WDFY2: variants seen among roughly 807,000 people sequenced by gnomAD.
The protein encoded by WDFY2 is WD repeat and FYVE domain-containing protein 2.
Under a neutral mutation model 56.4 loss-of-function variants are expected in WDFY2, and 36 were observed. That is an observed-to-expected ratio of 0.64 (90% CI 0.49 to 0.84). The LOEUF (loss-of-function observed/expected upper bound fraction) is 0.84, where lower values mean the gene tolerates loss of function less well. Among genes scored for constraint, WDFY2 ranks in the 40% least tolerant of loss-of-function variants. WDFY2 has a pLI of 0.00. For missense variants in WDFY2, 444 were observed against 512.2 expected, an observed-to-expected ratio of 0.87 and a Z score of 1.29; for synonymous variants, 176 against 183.7, an observed-to-expected ratio of 0.96 and a Z score of 0.34.
intron 1 of WDFY2, among the ~76,000 whole-genome samples, chr13:51,635,492 T>C (rs1048217721): frequency 9.2e-5 from 14 of 152,236 alleles, no homozygotes; most frequent in Non-Finnish European, 1.6e-4. Flanking sequence ...TCTTCTGTTT[T>C]CTAAATAGTG....
intron 5 of WDFY2, among the ~76,000 whole-genome samples, chr13:51,722,624 TTC>T (rs1180628843): frequency 6.6e-6 from 1 of 152,234 alleles, no homozygotes; most frequent in Non-Finnish European, 1.5e-5. Flanking sequence ...AAAGACCTAA[TTC>T]TCTGTTTTCA....
intron 1 of WDFY2, among the ~76,000 whole-genome samples, chr13:51,622,607 G>A (rs996435082): frequency 6.6e-6 from 1 of 152,196 alleles, no homozygotes; most frequent in Admixed American, 6.5e-5. Context: ...GAACCAGGAG[G>A]CAGTTTAGGA....
rs2138743033 is a variant in WDFY2, at chr13:51,756,429, G to C, written c.1031G>C (p.Cys344Ser). The part of the protein sequence containing the change: ...LMGFEFEVRV[C>S]DSCHEAITDE... ...GGCTTCGAGTTTGAAGTGAGGGTCT[G>C]TGACAGCTGCCACGAGGCCATCACA... Residue 344 changes from cysteine (C) to serine (S), a missense_variant, in exon 10 of 12, where the codon TGT becomes TCT. Transcript: ENST00000298125. 1 of 1,614,128 alleles carries C rather than the reference G, an allele frequency of 6.2e-7. No individual in the cohort carries two copies. The highest frequency in any genetic ancestry group is 2.2e-5 in the East Asian group (1 of 44,874).
rs189786831 is a variant in WDFY2, at chr13:51,718,735, A to C, written c.335-463A>C. Among the ~76,000 whole-genome samples the C allele has an allele frequency of 6.2e-4, 94 of 152,350 alleles. 1 individual carries two copies. In the South Asian group the frequency reaches 0.013, roughly 21 times the overall value. ...TGTATGGCTTTATAAGACAGACTTC[A>C]TTAAAAGATTAACAGTATGCTCCAG... On this transcript the variant is annotated intron_variant, in intron 4 of 11. Transcript: ENST00000298125.
intron 5 of WDFY2, among the ~76,000 whole-genome samples, chr13:51,722,708 G>C (rs542898498): frequency 6.6e-6 from 1 of 152,324 alleles, no homozygotes; most frequent in East Asian, 1.9e-4. Context: ...GGCAGAACCA[G>C]CATTAGAATT....
Position 51,727,715 on chromosome 13 carries a change from C to T in WDFY2, c.523C>T (p.His175Tyr), listed in dbSNP as rs776144617. The change falls in exon 6 of 12, where the codon CAC (histidine) becomes TAC (tyrosine). Residue 175 changes from histidine to tyrosine, a missense_variant. Coordinates refer to ENST00000298125, the MANE Select transcript of WDFY2 (RefSeq NM_052950.4). ...AACCCGGCATGTGTTTATCGGTGAC[C>T]ACTCAGGCCAAGTAACAATCCTCAA... ...VETRHVFIGDHSGQVTILKLE... is the reference protein window; with the variant it reads ...VETRHVFIGDYSGQVTILKLE... 1 of 1,614,010 alleles carries T rather than the reference C, an allele frequency of 6.2e-7. No homozygotes were observed. The highest frequency in any genetic ancestry group is 2.2e-5 in the East Asian group (1 of 44,878).
chr13:51,728,987 C>T lies in WDFY2; in HGVS notation c.598+1197C>T, dbSNP rs1256231652. On this transcript the variant is annotated intron_variant, in intron 6 of 11. Transcript: ENST00000298125. Reference sequence around the variant, plus strand: ...CTTTCTTCATTCCACTTACTGTTTCCCCTTGTGGCGCATTCTAGCCCGCGG... The same window carrying T: ...CTTTCTTCATTCCACTTACTGTTTCTCCTTGTGGCGCATTCTAGCCCGCGG... Among the ~76,000 whole-genome samples the T allele has an allele frequency of 1.3e-5, 2 of 152,288 alleles. 1 individual carries two copies. Among genetic ancestry groups the T allele is most frequent in the South Asian group, 4.1e-4 (2 of 4,820 alleles).
chr13:51,759,786 CAGAA>C lies in WDFY2; in HGVS notation c.*21_*24del. ...GTGTCTTGATGACTCTCCCAGGAATCAGAAAGATAGTATTTACTAAAGAAACGGT... is the reference window on the plus strand; with the variant it reads ...GTGTCTTGATGACTCTCCCAGGAATCAGATAGTATTTACTAAAGAAACGGT... On this transcript the variant is annotated 3_prime_UTR_variant, in exon 12 of 12. Coordinates refer to ENST00000298125, the MANE Select transcript of WDFY2 (RefSeq NM_052950.4). 1 of 1,613,122 alleles carries C rather than the reference CAGAA, an allele frequency of 6.2e-7. No homozygotes were observed. Among genetic ancestry groups the C allele is most frequent in the Non-Finnish European group, 8.5e-7 (1 of 1,179,336 alleles).
intron 5 of WDFY2, among the ~76,000 whole-genome samples, chr13:51,727,093 C>G (rs1033256529): frequency 4.6e-5 from 7 of 152,118 alleles, no homozygotes; most frequent in African/African-American, 1.7e-4. Context: ...ATTCTATTTT[C>G]TTTTTCCAAA....
At chr13:51,736,512 A>C (rs1952839938) in intron 6 of WDFY2, among the ~76,000 whole-genome samples, 1 of 152,170 alleles carries the variant, frequency 6.6e-6, no homozygotes, top group Non-Finnish European at 1.5e-5. Context: ...TTTTGTTTGG[A>C]GACGGAGTCT....
intron 4 of WDFY2, among the ~76,000 whole-genome samples, chr13:51,711,040 A>G (rs1202350886): frequency 6.6e-6 from 1 of 152,198 alleles, no homozygotes; most frequent in Admixed American, 6.5e-5. Flanking sequence ...TTCAAACTAT[A>G]CTACAAGGCT....
intron 4 of WDFY2, among the ~76,000 whole-genome samples, chr13:51,707,764 A>G (rs577173287): frequency 1.3e-5 from 2 of 152,192 alleles, no homozygotes; most frequent in Non-Finnish European, 2.9e-5. Flanking sequence ...AGTAAAGACA[A>G]AGTAGCAAGG....
chr13:51,599,896 CAAAA>C (rs755365759), intron 1 of WDFY2, among the ~76,000 whole-genome samples: 3 of 139,724 alleles, frequency 2.1e-5, no homozygotes, highest in South Asian at 2.3e-4. Context: ...AACAAACAAA[CAAAA>C]AAAAAAACAA....
intron 1 of WDFY2, chr13:51,598,877 G>C (rs1036930033): frequency 6.6e-6 from 1 of 151,052 alleles, no homozygotes; most frequent in Admixed American, 6.6e-5. Flanking sequence ...AGAAGTCACA[G>C]CAGGCACTGG....
At position 51,584,510 on chromosome 13, in the gene WDFY2, A is replaced by G. The variant is rs1953894498; in HGVS notation, c.-178A>G. 2.4e-6 allele frequency: 2 copies of G among 836,574 alleles called. No homozygotes were observed. Among genetic ancestry groups the G allele is most frequent in the Non-Finnish European group, 3.5e-6 (2 of 570,104 alleles). The allele number at this position is 836,574 out of a possible 1,614,324, so 51.8% of individuals were successfully genotyped here. On this transcript the variant is annotated 5_prime_UTR_variant, in exon 1 of 12. Transcript: ENST00000298125. ...AGGTCGTGGCGGTTTTGGTGCCTGAAGCAGGGAGCGCGGAGTCGTTCCCGA... is the reference window on the plus strand; with the variant it reads ...AGGTCGTGGCGGTTTTGGTGCCTGAGGCAGGGAGCGCGGAGTCGTTCCCGA...
intron 1 of WDFY2, among the ~76,000 whole-genome samples, chr13:51,619,188 C>T (rs993092885): frequency 6.6e-6 from 1 of 152,182 alleles, no homozygotes; most frequent in Non-Finnish European, 1.5e-5. Context: ...TGTGGTGGCT[C>T]ACGCCTGTAA....
intron 6 of WDFY2, among the ~76,000 whole-genome samples, chr13:51,735,846 T>A (rs1443256208): frequency 6.6e-6 from 1 of 152,202 alleles, no homozygotes; most frequent in Non-Finnish European, 1.5e-5. Context: ...TTTCTTGTCT[T>A]GCAGCTTTTC....
At position 51,761,385 on chromosome 13, in the gene WDFY2, C is replaced by G. The variant is rs375779582; in HGVS notation, c.*1616C>G. The G allele has an allele frequency of 6.6e-6, 1 of 152,208 alleles. No individual in the cohort carries two copies. Among genetic ancestry groups the G allele is most frequent in the Non-Finnish European group, 1.5e-5 (1 of 68,046 alleles). The allele number at this position is 152,208 out of a possible 1,614,324, so 9.4% of individuals were successfully genotyped here. On this transcript the variant is annotated 3_prime_UTR_variant, in exon 12 of 12. Coordinates refer to ENST00000298125, the MANE Select transcript of WDFY2 (RefSeq NM_052950.4). ...AAATAGAATAAAAATTAATGGCAAG[C>G]CTGCGCCAGGTGCCTGCCCCTCCTA...
chr13:51,659,133 G>T (rs1281350287), intron 1 of WDFY2, among the ~76,000 whole-genome samples: 1 of 151,986 alleles, frequency 6.6e-6, no homozygotes, highest in African/African-American at 2.4e-5. Context: ...TGTCATGTTG[G>T]CCAGGCTGGT....
Sources: allele counts gnomAD v4.1 joint callset (sites outside exome capture counted in the v4.1 genomes callset), GRCh38; gene constraint gnomAD v4.1.1; transcripts MANE v1.5; gene names NCBI Gene and HGNC (gene_info 2026-07-23, HGNC 2026-07-21).